The following CPEB3 variants were observed in gnomAD, a reference collection of about 807,000 sequenced individuals.
CPEB3 encodes the protein cytoplasmic polyadenylation element binding protein 3.
A neutral mutation model predicts 67.2 loss-of-function variants in CPEB3; 20 were observed. The ratio of observed to expected loss-of-function variants is 0.30; its 90% CI spans 0.21 to 0.43. The LOEUF is 0.43. Among genes scored for constraint, CPEB3 ranks in the 20% least tolerant of loss-of-function variants. CPEB3 has a pLI of 1.00. For missense variants in CPEB3, 746 were observed against 968.6 expected (o/e 0.77, Z 3.05); for synonymous variants, 376 against 393.1 (o/e 0.96, Z 0.51).
At chr10:92,228,902 C>T (rs898822096) in intron 2 of CPEB3, among the ~76,000 whole-genome samples, 3 of 151,140 alleles carry the variant, frequency 2.0e-5, no homozygotes, top group Non-Finnish European at 4.4e-5. Context: ...TTAGTAGAGA[C>T]GGGGTTTCAT....
chr10:92,197,212 GC>G (rs1389243991), intron 2 of CPEB3, among the ~76,000 whole-genome samples: 3 of 152,104 alleles, frequency 2.0e-5, no homozygotes, highest in African/African-American at 7.2e-5. Flanking sequence ...CAAACTTCAG[GC>G]CTCTGAGAGT....
At chr10:92,188,474 C>A (rs1393854587) in intron 3 of CPEB3, among the ~76,000 whole-genome samples, 4 of 152,002 alleles carry the variant, frequency 2.6e-5, no homozygotes, top group African/African-American at 9.7e-5. Flanking sequence ...GTAATCCCAG[C>A]ACTTTGGGAG....
At chr10:92,098,769 T>TC (rs1844020187) in intron 7 of CPEB3, among the ~76,000 whole-genome samples, 2 of 149,116 alleles carry the variant, frequency 1.3e-5, no homozygotes, top group African/African-American at 5.1e-5. Context: ...TTTCTTTTTT[T>TC]CTTTTTTTTT....
intron 7 of CPEB3, among the ~76,000 whole-genome samples, chr10:92,107,344 C>T (rs1170063623): frequency 6.6e-6 from 1 of 152,110 alleles, no homozygotes; most frequent in African/African-American, 2.4e-5. Context: ...AAATTGTAGT[C>T]GTGCTATAAA....
At chr10:92,183,098 T>C (rs1433051997) in intron 3 of CPEB3, among the ~76,000 whole-genome samples, 1 of 152,172 alleles carries the variant, frequency 6.6e-6, no homozygotes, top group Non-Finnish European at 1.5e-5. Context: ...GAGACAATTT[T>C]GCTAGCATTT....
At chr10:92,169,203 G>A (rs1373787383) in intron 4 of CPEB3, among the ~76,000 whole-genome samples, 4 of 143,752 alleles carry the variant, frequency 2.8e-5, no homozygotes, top group Admixed American at 6.9e-5. Context: ...CAATGGTGCA[G>A]TCTCGGCTCA....
At chr10:92,095,602 T>TATATA (rs10665210) in intron 7 of CPEB3, among the ~76,000 whole-genome samples, 12 of 73,572 alleles carry the variant, frequency 1.6e-4, no homozygotes, top group African/African-American at 5.7e-4. Context: ...ATATATATAT[T>TATATA]TTTTTTTTTT....
At position 92,048,387 on chromosome 10, in the gene CPEB3, T is replaced by TCTCACACACACACACACACACACA. The variant is rs546300433; in HGVS notation, c.*3824_*3825insTGTGTGTGTGTGTGTGTGTGTGAG. On this transcript the variant is annotated 3_prime_UTR_variant, in exon 10 of 10. Transcript: ENST00000265997. This position sits in a 1 kb window ranked among gnomAD's most constrained non-coding sequence, Gnocchi z 4.1. ...TTCTCTCTCTCTCTCTCTCTCTCTC[T>TCTCACACACACACACACACACACA]CACACACACACACACACACACGACA... The TCTCACACACACACACACACACACA allele has an allele frequency of 2.1e-5, 3 of 141,488 alleles. No individual in the cohort carries two copies. Among genetic ancestry groups the TCTCACACACACACACACACACACA allele is most frequent in the African/African-American group, 8.1e-5 (3 of 37,000 alleles). 8.8% of individuals were successfully genotyped at this position (141,488 alleles called of 1,614,324 possible). A position where few individuals can be genotyped will look rare whatever the true frequency, so the allele number is the denominator to read the frequency against.
chr10:92,257,758 T>C (rs961488114), intron 1 of CPEB3, among the ~76,000 whole-genome samples: 2 of 150,630 alleles, frequency 1.3e-5, no homozygotes, highest in Non-Finnish European at 3.0e-5. Context: ...AGATGGAGTT[T>C]CACTCTTGTC....
chr10:92,279,837 C>T (rs1842178136), intron 1 of CPEB3, among the ~76,000 whole-genome samples: 1 of 152,088 alleles, frequency 6.6e-6, no homozygotes, highest in African/African-American at 2.4e-5. Flanking sequence ...TGGCGAAACC[C>T]CGTCTCTACT....
intron 1 of CPEB3, among the ~76,000 whole-genome samples, chr10:92,252,813 C>A (rs1852355677): frequency 6.6e-6 from 1 of 152,020 alleles, no homozygotes; most frequent in South Asian, 2.1e-4. Context: ...AGCCACTGTG[C>A]CTGGCCTGAC....
intron 7 of CPEB3, among the ~76,000 whole-genome samples, chr10:92,109,364 T>G (rs1844620357): frequency 6.6e-6 from 1 of 152,036 alleles, no homozygotes. Context: ...GCGATTCTAC[T>G]GCCTCAGCCT....
Position 92,169,192 on chromosome 10 carries a change from G to T in CPEB3, c.1222+11771C>A, listed in dbSNP as rs1240092652. On this transcript the variant is annotated intron_variant, in intron 4 of 9. Coordinates refer to ENST00000265997, the MANE Select transcript of CPEB3 (RefSeq NM_014912.5). ...TTGCTCTTATTGCACAGGCTAGAGT[G>T]CAATGGTGCAGTCTCGGCTCACTGC... 2.0e-5 allele frequency among the ~76,000 whole-genome samples: 3 copies of T among 150,538 alleles called. No homozygotes were observed. The South Asian group carries it at 6.3e-4, about 32-fold the overall frequency.
chr10:92,080,206 CAAA>C (rs1176662337), intron 9 of CPEB3, among the ~76,000 whole-genome samples: 4 of 102,200 alleles, frequency 3.9e-5, no homozygotes, highest in African/African-American at 6.9e-5. Flanking sequence ...GACTCCGTCT[CAAA>C]AAAAAAAAAA....
intron 6 of CPEB3, among the ~76,000 whole-genome samples, 160 bp downstream of exon 6, chr10:92,142,869 G>A (rs1846503514): frequency 6.6e-6 from 1 of 152,152 alleles, no homozygotes; most frequent in African/African-American, 2.4e-5. Flanking sequence ...GAGTCTCTAA[G>A]TGGAAACATA....
At chr10:92,215,094 C>A (rs1212458537) in intron 2 of CPEB3, among the ~76,000 whole-genome samples, 3 of 151,938 alleles carry the variant, frequency 2.0e-5, no homozygotes, top group Non-Finnish European at 4.4e-5. Flanking sequence ...GTGATCCACC[C>A]ACCTTGGCCA....
chr10:92,174,730 C>T (rs918482988), intron 4 of CPEB3, among the ~76,000 whole-genome samples: 2 of 152,080 alleles, frequency 1.3e-5, no homozygotes, highest in Non-Finnish European at 2.9e-5. Flanking sequence ...GGAAGTGGTA[C>T]TTCAGAATTC....
At chr10:92,068,197 T>C (rs1842626932) in intron 9 of CPEB3, among the ~76,000 whole-genome samples, 2 of 152,310 alleles carry the variant, frequency 1.3e-5, no homozygotes, top group South Asian at 4.1e-4. Context: ...AAGATAATGT[T>C]TTCATGAAAC....
intron 4 of CPEB3, among the ~76,000 whole-genome samples, chr10:92,167,480 G>A (rs1847798935): frequency 6.6e-6 from 1 of 152,222 alleles, no homozygotes; most frequent in African/African-American, 2.4e-5. Flanking sequence ...TTGTGTCTCA[G>A]AAAATGGGAA....
Sources: allele counts gnomAD v4.1 joint callset (sites outside exome capture counted in the v4.1 genomes callset), GRCh38; gene constraint gnomAD v4.1.1; non-coding constraint Gnocchi (gnomAD v3.1); transcripts MANE v1.5; gene names NCBI Gene and HGNC (gene_info 2026-07-23, HGNC 2026-07-21).